MRPL1: variants seen among roughly 807,000 people sequenced by gnomAD.
MRPL1 encodes large ribosomal subunit protein uL1m.
In MRPL1, 28 loss-of-function variants were observed where a neutral mutation model predicts 38.0. That is an observed-to-expected ratio of 0.74 (90% CI 0.55 to 1.01). MRPL1 has a LOEUF of 1.01. Among genes scored for constraint, MRPL1 ranks in the 50% least tolerant of loss-of-function variants. MRPL1 has a pLI of 0.00. For synonymous variants in MRPL1, 123 were observed against 126.7 expected (o/e 0.97, Z 0.20); for missense variants, 358 against 389.8 (o/e 0.92, Z 0.69).
Position 77,952,523 on chromosome 4 carries a change from A to G in MRPL1, c.894A>G (p.Ser298=). The G allele has an allele frequency of 6.2e-7, 1 of 1,613,338 alleles. No individual in the cohort carries two copies. Among genetic ancestry groups the G allele is most frequent in the South Asian group, 1.1e-5 (1 of 90,920 alleles). Residue 298 remains serine (S), a synonymous_variant, in exon 9 of 9, where the codon TCA becomes TCG. Transcript: ENST00000315567. ...PFVVRAFLRS[S]TSEGLLLKID... Reference sequence around the variant, plus strand: ...TGGTACGTGCTTTCCTTCGTAGTTCAACAAGTGAAGGTTTATTACTGAAGA... The same window carrying G: ...TGGTACGTGCTTTCCTTCGTAGTTCGACAAGTGAAGGTTTATTACTGAAGA...
At chr4:77,866,433 A>G (rs1735144327) in intron 1 of MRPL1, among the ~76,000 whole-genome samples, 1 of 152,198 alleles carries the variant, frequency 6.6e-6, no homozygotes, top group Admixed American at 6.5e-5. Context: ...TTTACCTTAT[A>G]TATTGTAGTT....
chr4:77,881,776 A>G (rs1224199895), intron 2 of MRPL1, among the ~76,000 whole-genome samples: 1 of 152,114 alleles, frequency 6.6e-6, no homozygotes, highest in Non-Finnish European at 1.5e-5. Flanking sequence ...CTAATCTGCC[A>G]TCTTTTCCAG....
At chr4:77,895,156 G>C (rs1480997241) in intron 6 of MRPL1, among the ~76,000 whole-genome samples, 1 of 152,102 alleles carries the variant, frequency 6.6e-6, no homozygotes, top group Non-Finnish European at 1.5e-5. Context: ...TTTGAGATGG[G>C]AGTGACATAA....
intron 7 of MRPL1, among the ~76,000 whole-genome samples, chr4:77,922,964 ATAGT>A (rs1257034438): frequency 2.0e-5 from 3 of 152,206 alleles, no homozygotes; most frequent in African/African-American, 7.2e-5. Flanking sequence ...CTGCATATAG[ATAGT>A]TCTTAAACTT....
intron 6 of MRPL1, chr4:77,907,318 T>C (rs970224290): frequency 2.2e-5 from 7 of 318,930 alleles, no homozygotes; most frequent in Non-Finnish European, 3.2e-5. Context: ...TAGTCTCCTG[T>C]ATGATCCTTT....
intron 2 of MRPL1, among the ~76,000 whole-genome samples, chr4:77,882,930 G>T (rs1250578544): frequency 6.6e-6 from 1 of 152,124 alleles, no homozygotes; most frequent in East Asian, 1.9e-4. Flanking sequence ...TGTCTTTTCT[G>T]TCAGGCTCTG....
intron 8 of MRPL1, among the ~76,000 whole-genome samples, chr4:77,950,940 A>AATC (rs1226138102): frequency 6.6e-6 from 1 of 152,142 alleles, no homozygotes; most frequent in Non-Finnish European, 1.5e-5. Flanking sequence ...GTTTGATGTC[A>AATC]GCTCACTGCA....
At chr4:77,952,271 T>C (rs566302509) in intron 8 of MRPL1, among the ~76,000 whole-genome samples, 1 of 152,336 alleles carries the variant, frequency 6.6e-6, no homozygotes, top group African/African-American at 2.4e-5. Flanking sequence ...AGCTCTTTAT[T>C]TAGAAGCTTG....
intron 6 of MRPL1, among the ~76,000 whole-genome samples, chr4:77,902,385 T>TAAA (rs552547011): frequency 2.5e-4 from 24 of 95,136 alleles, no homozygotes; most frequent in Non-Finnish European, 4.4e-4. Flanking sequence ...ACCGGCTTTC[T>TAAA]AAAAAAAAAA....
chr4:77,870,761 A>T (rs1735262891), intron 1 of MRPL1, among the ~76,000 whole-genome samples: 1 of 152,248 alleles, frequency 6.6e-6, no homozygotes, highest in African/African-American at 2.4e-5. Flanking sequence ...TAATCTTTAA[A>T]TAAAAACATA....
chr4:77,889,811 C>A (rs1735767386), intron 5 of MRPL1, among the ~76,000 whole-genome samples: 3 of 152,042 alleles, frequency 2.0e-5, no homozygotes, highest in African/African-American at 7.2e-5. Flanking sequence ...ACCACCGATC[C>A]CACAGAAATA....
chr4:77,905,594 A>G (rs1736141093), intron 6 of MRPL1, among the ~76,000 whole-genome samples: 1 of 152,084 alleles, frequency 6.6e-6, no homozygotes, highest in Non-Finnish European at 1.5e-5. Flanking sequence ...TGCAAATTAG[A>G]CAAAGAAGAA....
rs986780600 is a variant in MRPL1, at chr4:77,952,375, A to G, written c.860-114A>G. ...GGTTTCTTTATAAGTTGTTTTGCTT[A>G]AAGTTGCAGTTTCCAAGAACCTAGT... On this transcript the variant is annotated intron_variant, in intron 8 of 8. Coordinates refer to ENST00000315567, the MANE Select transcript of MRPL1 (RefSeq NM_020236.4). The G allele has an allele frequency of 8.3e-5, 63 of 755,404 alleles. 1 individual carries two copies. The African/African-American group carries it at 1.1e-3, about 13-fold the overall frequency. The allele number at this position is 755,404 out of a possible 1,614,324, so 46.8% of individuals were successfully genotyped here. A position where few individuals can be genotyped will look rare whatever the true frequency, so the allele number is the denominator to read the frequency against.
intron 6 of MRPL1, chr4:77,907,173 A>G: frequency 1.0e-6 from 1 of 983,506 alleles, no homozygotes; most frequent in Non-Finnish European, 1.2e-6. Flanking sequence ...CCCTTTAAAT[A>G]ATTCACATTT....
At chr4:77,904,077 C>T (rs1736098825) in intron 6 of MRPL1, among the ~76,000 whole-genome samples, 1 of 82,546 alleles carries the variant, frequency 1.2e-5, no homozygotes, top group Non-Finnish European at 2.3e-5. Flanking sequence ...AAGACCAAAT[C>T]TCTACTTAAA....
At chr4:77,874,781 TC>T (rs1299672823) in intron 2 of MRPL1, among the ~76,000 whole-genome samples, 13 of 144,644 alleles carry the variant, frequency 9.0e-5, no homozygotes, top group African/African-American at 3.5e-4. Context: ...TATTTTCTTT[TC>T]TTTTTTTTTT....
chr4:77,894,304 T>C, intron 6 of MRPL1, 54 bp downstream of exon 6: 3 of 1,149,988 alleles, frequency 2.6e-6, no homozygotes, highest in Non-Finnish European at 3.8e-6. Flanking sequence ...TTGTGAACTT[T>C]GCTTAGTTAG....
rs776130493 is a variant in MRPL1, at chr4:77,952,476, T to G, written c.860-13T>G. On this transcript the variant is annotated splice_polypyrimidine_tract_variant and intron_variant, in intron 8 of 8. Transcript: ENST00000315567. Reference sequence around the variant, plus strand: ...ATATAAAAATCAAAGTTGATTCTCGTTTTTGTTTCCAGGTCCCTTTGTGGT... The same window carrying G: ...ATATAAAAATCAAAGTTGATTCTCGGTTTTGTTTCCAGGTCCCTTTGTGGT... 1 of 1,583,692 alleles carries G rather than the reference T, an allele frequency of 6.3e-7. No homozygotes were observed. The highest frequency in any genetic ancestry group is 8.7e-7 in the Non-Finnish European group (1 of 1,153,612).
intron 7 of MRPL1, among the ~76,000 whole-genome samples, chr4:77,931,819 CT>C (rs1222296250): frequency 2.6e-5 from 4 of 152,124 alleles, no homozygotes; most frequent in African/African-American, 9.6e-5. Context: ...TGTTGGCTAG[CT>C]GAAAAATGTC....
Sources: allele counts gnomAD v4.1 joint callset (sites outside exome capture counted in the v4.1 genomes callset), GRCh38; gene constraint gnomAD v4.1.1; transcripts MANE v1.5; gene names NCBI Gene and HGNC (gene_info 2026-07-23, HGNC 2026-07-21).